KIAA1549: variants seen among roughly 807,000 people sequenced by gnomAD.
The protein encoded by KIAA1549 is UPF0606 protein KIAA1549.
A neutral mutation model predicts 156.4 loss-of-function variants in KIAA1549; 70 were observed. The observed-to-expected ratio is 0.45, with a 90% CI of 0.37 to 0.55. The LOEUF is 0.55. Ranked by LOEUF, KIAA1549 falls within the 20% of genes least tolerant of loss-of-function variation. The pLI is 0.00. For missense variants in KIAA1549, 2,428 were observed against 2,540.9 expected (o/e 0.96, Z 0.96); for synonymous variants, 1,103 against 1,066.4 (o/e 1.03, Z -0.67).
intron 1 of KIAA1549, among the ~76,000 whole-genome samples, chr7:138,953,629 T>C (rs527384427): frequency 1.1e-4 from 17 of 152,118 alleles, no homozygotes; most frequent in Non-Finnish European, 2.1e-4. Context: ...CAAGTAAATA[T>C]GCTGAATTCA....
At chr7:138,931,322 G>A (rs561079560) in intron 1 of KIAA1549, among the ~76,000 whole-genome samples, 56 of 152,344 alleles carry the variant, frequency 3.7e-4, no homozygotes, top group Non-Finnish European at 7.5e-4. Context: ...TGTAAAAAGC[G>A]CAGTATCTGC....
At chr7:138,915,160 T>C (rs1259440513) in intron 2 of KIAA1549, among the ~76,000 whole-genome samples, 1 of 152,170 alleles carries the variant, frequency 6.6e-6, no homozygotes, top group African/African-American at 2.4e-5. Context: ...CAGAAGACAC[T>C]TTCTCTTCAT....
chr7:138,979,282 A>G lies in KIAA1549; in HGVS notation c.187+1801T>C, dbSNP rs1584798483. On this transcript the variant is annotated intron_variant, in intron 1 of 19. Transcript: ENST00000422774. Reference sequence around the variant, plus strand: ...AAGGACTTCCAAAGAAGAGAAGGTTAGGGATGGGCAGTGCAAACAGCTTCA... The same window carrying G: ...AAGGACTTCCAAAGAAGAGAAGGTTGGGGATGGGCAGTGCAAACAGCTTCA... Among the ~76,000 whole-genome samples the G allele has an allele frequency of 2.6e-5, 4 of 152,232 alleles. No homozygotes were observed. The East Asian group carries it at 5.8e-4, about 22-fold the overall frequency.
At chr7:138,884,279 T>C (rs1006795494) in intron 10 of KIAA1549, among the ~76,000 whole-genome samples, 16 of 151,318 alleles carry the variant, frequency 1.1e-4, no homozygotes, top group African/African-American at 3.9e-4. Flanking sequence ...CATCTCTTCA[T>C]TTGTGCGCTT....
chr7:138,870,290 G>A (rs1320987575), intron 13 of KIAA1549, among the ~76,000 whole-genome samples: 3 of 151,700 alleles, frequency 2.0e-5, no homozygotes, highest in East Asian at 1.9e-4. Context: ...GCCATCCCAC[G>A]AGCTTTACCC....
At chr7:138,880,709 C>G (rs1811216901) in intron 11 of KIAA1549, among the ~76,000 whole-genome samples, 1 of 152,184 alleles carries the variant, frequency 6.6e-6, no homozygotes, top group African/African-American at 2.4e-5. Context: ...TGTCTTCTTT[C>G]ACAGAGCTAC....
chr7:138,936,386 C>T (rs1384907041), intron 1 of KIAA1549, among the ~76,000 whole-genome samples: 1 of 152,112 alleles, frequency 6.6e-6, no homozygotes, highest in Non-Finnish European at 1.5e-5. Context: ...ACTGTGGACC[C>T]TCACACATCT....
chr7:138,923,605 G>GA (rs11284264), intron 1 of KIAA1549, among the ~76,000 whole-genome samples: 129 of 135,444 alleles, frequency 9.5e-4, no homozygotes, highest in African/African-American at 2.4e-3. Context: ...ATCTCAAAAA[G>GA]AAAAAAAAAA....
intron 1 of KIAA1549, among the ~76,000 whole-genome samples, chr7:138,943,803 C>T (rs533940742): frequency 5.0e-4 from 76 of 151,810 alleles, no homozygotes; most frequent in African/African-American, 1.5e-3. Flanking sequence ...GAGCTGAGAT[C>T]GCACCACTGC....
intron 4 of KIAA1549, among the ~76,000 whole-genome samples, chr7:138,909,773 C>A (rs892722396): frequency 2.6e-5 from 4 of 152,016 alleles, no homozygotes; most frequent in Non-Finnish European, 5.9e-5. Flanking sequence ...ATGGTGAAAC[C>A]CCATCTCTAC....
Position 138,918,718 on chromosome 7 carries a change from G to C in KIAA1549, c.908C>G (p.Ser303Cys). 6.2e-7 allele frequency: 1 copy of C among 1,613,882 alleles called. No individual in the cohort carries two copies. Among genetic ancestry groups the C allele is most frequent in the African/African-American group, 1.3e-5 (1 of 75,054 alleles). The stretch of plus-strand genomic sequence containing the variant: ...TGGAGGCTGTGAGACCTCCCCCAAG[G>C]AGGGCAACGGTATAGTAATGCCGTC... ...LGDGITIPLP[S>C]LGEVSQPPEE... is the part of the protein sequence containing the mutation. Residue 303 changes from serine to cysteine, a missense_variant, in exon 2 of 20, where the codon TCC (serine) becomes TGC (cysteine). Ser to Cys is a moderately radical substitution (Grantham distance 112, BLOSUM62 -1). Transcript: ENST00000422774. The surrounding 1 kb of genome is among the most constrained non-coding windows in gnomAD (Gnocchi z 4.2).
chr7:138,929,710 G>A (rs1288564378), intron 1 of KIAA1549, among the ~76,000 whole-genome samples: 1 of 151,950 alleles, frequency 6.6e-6, no homozygotes, highest in African/African-American at 2.4e-5. Context: ...TGTTTTTTAA[G>A]ACAGTGCCTT....
At position 138,917,658 on chromosome 7, in the gene KIAA1549, G is replaced by A. The variant is rs756311932; in HGVS notation, c.1968C>T (p.Ser656=). ...ASLSLMPSDL[S]PFTSQSFSPL... is the part of the protein sequence containing the mutation. Reference sequence around the variant, plus strand: ...GAGAAAAAGACTGAGATGTGAAGGGGGACAAGTCACTCGGCATCAGAGACA... The same window carrying A: ...GAGAAAAAGACTGAGATGTGAAGGGAGACAAGTCACTCGGCATCAGAGACA... The change falls in exon 2 of 20, where the codon TCC becomes TCT. Residue 656 remains serine (S), a synonymous_variant. Transcript: ENST00000422774. 1 of 1,612,944 alleles carries A rather than the reference G, an allele frequency of 6.2e-7. No homozygotes were observed. The highest frequency in any genetic ancestry group is 8.5e-7 in the Non-Finnish European group (1 of 1,179,416).
In KIAA1549 at chr7:138,861,396, G is replaced by C; in HGVS notation, c.4990C>G (p.Pro1664Ala). The change falls in exon 16 of 20, where the codon CCA (proline) becomes GCA (alanine). Residue 1664 changes from proline (P) to alanine (A), a missense_variant. Pro to Ala is a conservative substitution (Grantham distance 27, BLOSUM62 -1). Transcript: ENST00000422774. ...TGGGAGGCCGGGAAGGGAAGGGCTG[G>C]ATACCTCCCCAGTTCCACCGAGGAT... ...TPSSVELGRY[P>A]ALPFPASQYI... 1 of 1,612,162 alleles carries C rather than the reference G, an allele frequency of 6.2e-7. No individual in the cohort carries two copies. Among genetic ancestry groups the C allele is most frequent in the Middle Eastern group, 1.7e-4 (1 of 6,050 alleles).
At chr7:138,973,279 T>C (rs1193370553) in intron 1 of KIAA1549, among the ~76,000 whole-genome samples, 1 of 152,230 alleles carries the variant, frequency 6.6e-6, no homozygotes, top group African/African-American at 2.4e-5. Context: ...TTGTGGAACA[T>C]TTCAAAAATA....
intron 8 of KIAA1549, among the ~76,000 whole-genome samples, chr7:138,900,610 G>A (rs77881746): frequency 0.013 from 2,028 of 152,262 alleles, 58 homozygotes; most frequent in African/African-American, 0.046. Flanking sequence ...TGTGATCCCC[G>A]ATGGTGGTGG....
intron 1 of KIAA1549, among the ~76,000 whole-genome samples, chr7:138,922,003 C>T (rs1171865661): frequency 4.6e-5 from 7 of 152,168 alleles, no homozygotes; most frequent in Non-Finnish European, 8.8e-5. Flanking sequence ...AGCAAATCAC[C>T]AGCAGCTAGG....
In KIAA1549 at chr7:138,981,002, G is replaced by C. The variant is rs1449565548; in HGVS notation, c.187+81C>G. On this transcript the variant is annotated intron_variant, in intron 1 of 19. Transcript: ENST00000422774. The surrounding 1 kb of genome is among the most constrained non-coding windows in gnomAD (Gnocchi z 4.5). ...CTGGAGAATAAAAGAGGATGGGCGG[G>C]GAAAGCCGGGGTTTTGAAAACAGCA... 2 of 1,157,848 alleles carry C rather than the reference G, an allele frequency of 1.7e-6. No homozygotes were observed. Among genetic ancestry groups the C allele is most frequent in the Non-Finnish European group, 2.1e-6 (2 of 936,856 alleles). The allele number at this position is 1,157,848 out of a possible 1,614,324, so 71.7% of individuals were successfully genotyped here. A position where few individuals can be genotyped will look rare whatever the true frequency, so the allele number is the denominator to read the frequency against.
Position 138,917,883 on chromosome 7 carries a change from A to C in KIAA1549, c.1743T>G (p.Leu581=), listed in dbSNP as rs1812391335. Residue 581 remains leucine (L), a synonymous_variant, in exon 2 of 20, where the codon CTT becomes CTG. Coordinates refer to ENST00000422774, the MANE Select transcript of KIAA1549 (RefSeq NM_001164665.2). ...TAAAAACACTCGGGTCTCTGACGGC[A>C]AGCGACGGTGTGTTTTTGTTTGCTA... The part of the protein sequence containing the change: ...SVIANKNTPS[L]AVRDPSVFTP... 5 of 1,604,018 alleles carry C rather than the reference A, an allele frequency of 3.1e-6. No individual in the cohort carries two copies. In the East Asian group the frequency reaches 1.1e-4, roughly 36 times the overall value.
Sources: allele counts gnomAD v4.1 joint callset (sites outside exome capture counted in the v4.1 genomes callset), GRCh38; gene constraint gnomAD v4.1.1; non-coding constraint Gnocchi (gnomAD v3.1); transcripts MANE v1.5; gene names NCBI Gene and HGNC (gene_info 2026-07-23, HGNC 2026-07-21).